The following PMM2 variants were observed in gnomAD, a reference collection of about 807,000 sequenced individuals.
PMM2 encodes the protein phosphomannomutase 2.
A neutral mutation model predicts 33.2 loss-of-function variants in PMM2; 35 were observed. The observed-to-expected ratio is 1.06, with a 90% CI of 0.81 to 1.40. The LOEUF (loss-of-function observed/expected upper bound fraction) is 1.40, where lower values mean the gene tolerates loss of function less well. PMM2 is among the 40% of genes most tolerant of loss of function. The pLI is 0.00. For missense variants in PMM2, 386 were observed against 306.0 expected (o/e 1.26, Z -1.95); for synonymous variants, 153 against 114.7 (o/e 1.33, Z -2.13).
intron 7 of PMM2, among the ~76,000 whole-genome samples, chr16:8,839,245 G>A (rs1490549992): frequency 6.6e-6 from 1 of 152,028 alleles, no homozygotes; most frequent in Admixed American, 6.6e-5. Flanking sequence ...TAGTGTGCAT[G>A]TGCCTGTCCA....
At chr16:8,836,891 G>A (rs1478482738) in intron 7 of PMM2, among the ~76,000 whole-genome samples, 2 of 152,014 alleles carry the variant, frequency 1.3e-5, no homozygotes, top group South Asian at 2.1e-4. Flanking sequence ...CTTTGACTAT[G>A]CCTTTAGCTC....
intron 7 of PMM2, among the ~76,000 whole-genome samples, chr16:8,827,858 T>TATAATATATAA (rs2060783865): frequency 1.3e-4 from 12 of 92,862 alleles, no homozygotes; most frequent in East Asian, 3.2e-4. Flanking sequence ...AATATATATG[T>TATAATATATAA]TATATATTAT....
At chr16:8,819,900 T>C (rs1335704679) in intron 7 of PMM2, among the ~76,000 whole-genome samples, 1 of 152,200 alleles carries the variant, frequency 6.6e-6, no homozygotes, top group Non-Finnish European at 1.5e-5. Flanking sequence ...GAGACTAAGC[T>C]GGGATCTGAA....
At chr16:8,839,614 A>C (rs1020980737) in intron 7 of PMM2, among the ~76,000 whole-genome samples, 3 of 152,006 alleles carry the variant, frequency 2.0e-5, no homozygotes, top group African/African-American at 4.8e-5. Context: ...ATACAGGGCA[A>C]GTGTCTTCCT....
Position 8,797,916 on chromosome 16 carries a change from G to T in PMM2, c.34G>T (p.Asp12Tyr), listed in dbSNP as rs755237333. ...GCCTGGCCCAGCGCTCTGCCTCTTC[G>T]ACGTGGATGGGACCCTCACCGCCCC... Reference protein sequence around the residue: ...AAPGPALCLFDVDGTLTAPRQ... With the variant: ...AAPGPALCLFYVDGTLTAPRQ... Residue 12 changes from aspartate to tyrosine, a missense_variant, in exon 1 of 8, where the codon GAC (aspartate) becomes TAC (tyrosine). Physicochemically the swap from Asp to Tyr is radical, Grantham distance 160. Transcript: ENST00000268261. 6.2e-7 allele frequency: 1 copy of T among 1,610,666 alleles called. No homozygotes were observed. The highest frequency in any genetic ancestry group is 1.7e-5 in the Admixed American group (1 of 59,678).
At chr16:8,829,649 G>C (rs1433002769) in intron 7 of PMM2, among the ~76,000 whole-genome samples, 1 of 152,182 alleles carries the variant, frequency 6.6e-6, no homozygotes, top group South Asian at 2.1e-4. Flanking sequence ...CTTCCACCGG[G>C]AATTCAAAGG....
At chr16:8,799,592 G>C (rs1433968255) in intron 1 of PMM2, among the ~76,000 whole-genome samples, 1 of 151,498 alleles carries the variant, frequency 6.6e-6, no homozygotes, top group Non-Finnish European at 1.5e-5. Flanking sequence ...TCTGTCACCA[G>C]ACTGGAGTGT....
chr16:8,805,071 A>G (rs2060639391), intron 3 of PMM2, among the ~76,000 whole-genome samples: 1 of 152,126 alleles, frequency 6.6e-6, no homozygotes, highest in Admixed American at 6.6e-5. Context: ...TTTGTTTTTG[A>G]GACGGAGTCT....
At chr16:8,842,011 T>C (rs1280358250) in intron 7 of PMM2, among the ~76,000 whole-genome samples, 224 of 147,086 alleles carry the variant, frequency 1.5e-3, no homozygotes, top group Middle Eastern at 7.0e-3. Flanking sequence ...CGGCAGCCGC[T>C]GCACGCAGAC....
chr16:8,832,219 G>A, intron 7 of PMM2: 2 of 985,434 alleles, frequency 2.0e-6, no homozygotes, highest in African/African-American at 1.7e-5. Flanking sequence ...GCAGACCCTT[G>A]GCGGGAGAGA....
At chr16:8,832,779 T>A in intron 7 of PMM2, 1 of 962,528 alleles carries the variant, frequency 1.0e-6, no homozygotes, top group Non-Finnish European at 1.2e-6. Flanking sequence ...CCACAATCTG[T>A]GAGGCCCGCT....
chr16:8,804,038 T>TTTTTTG (rs754112103), intron 2 of PMM2, among the ~76,000 whole-genome samples: 875 of 43,358 alleles, frequency 0.02, 13 homozygotes, highest in Middle Eastern at 0.071. Context: ...TTTGTTTTTT[T>TTTTTTG]TTTTTTTTTT....
chr16:8,833,355 A>G (rs930524620), intron 7 of PMM2, among the ~76,000 whole-genome samples: 1 of 152,202 alleles, frequency 6.6e-6, no homozygotes, highest in Non-Finnish European at 1.5e-5. Flanking sequence ...GTGGGATGTC[A>G]TCAGTTAAGG....
chr16:8,814,460 G>A (rs1328549647), intron 7 of PMM2, among the ~76,000 whole-genome samples: 1 of 152,116 alleles, frequency 6.6e-6, no homozygotes, highest in South Asian at 2.1e-4. Context: ...CTGATCTCTG[G>A]TCCACTCCAA....
At chr16:8,830,081 A>C (rs531333372) in intron 7 of PMM2, among the ~76,000 whole-genome samples, 1 of 152,282 alleles carries the variant, frequency 6.6e-6, no homozygotes, top group East Asian at 1.9e-4. Flanking sequence ...TCTCCCCAGG[A>C]CTGTTTATTG....
At position 8,801,873 on chromosome 16, in the gene PMM2, G is replaced by A. The variant is rs533650526; in HGVS notation, c.141G>A (p.Ser47=). Residue 47 remains serine (S), a synonymous_variant, in exon 2 of 8, where the codon TCG becomes TCA. Transcript: ENST00000268261. ...QKIKIGVVGG[S]DFEKVQEQLG... ...TCAAAATCGGAGTGGTAGGCGGATC[G>A]GACTTTGAGAAAGTGCAGGAGCAAC... The A allele has an allele frequency of 2.9e-5, 47 of 1,611,690 alleles. No individual in the cohort carries two copies. Among genetic ancestry groups the A allele is most frequent in the African/African-American group, 5.3e-5 (4 of 74,916 alleles).
chr16:8,799,630 C>A (rs1019282167), intron 1 of PMM2, among the ~76,000 whole-genome samples: 3 of 152,076 alleles, frequency 2.0e-5, no homozygotes, highest in Non-Finnish European at 2.9e-5. Context: ...TCACTGCAAC[C>A]TCCACCTCCC....
At chr16:8,843,709 T>C (rs182563617) in intron 7 of PMM2, among the ~76,000 whole-genome samples, 5 of 152,338 alleles carry the variant, frequency 3.3e-5, no homozygotes, top group South Asian at 2.1e-4. Context: ...GTTAATTAAG[T>C]CCTGTTGTGG....
intron 7 of PMM2, among the ~76,000 whole-genome samples, chr16:8,843,212 C>A (rs1412749707): frequency 1.3e-5 from 2 of 151,974 alleles, no homozygotes; most frequent in African/African-American, 4.8e-5. Flanking sequence ...GGAAACAGGC[C>A]CTTGAAAAGA....
Sources: allele counts gnomAD v4.1 joint callset (sites outside exome capture counted in the v4.1 genomes callset), GRCh38; gene constraint gnomAD v4.1.1; transcripts MANE v1.5; gene names NCBI Gene and HGNC (gene_info 2026-07-23, HGNC 2026-07-21).